The following ATG5 variants were observed in gnomAD, a reference collection of about 807,000 sequenced individuals.
The protein encoded by ATG5 is autophagy protein 5.
In ATG5, 14 loss-of-function variants were observed where a neutral mutation model predicts 36.5. The ratio of observed to expected loss-of-function variants is 0.38; its 90% confidence interval spans 0.25 to 0.60. The LOEUF is 0.60. ATG5 is among the 20% of genes least tolerant of loss of function. The probability of loss-of-function intolerance (pLI) is 0.60; values close to 1 mark genes in which losing one functional copy is unlikely to be tolerated. For missense variants in ATG5, 195 were observed against 326.7 expected (o/e 0.60, Z 3.11); for synonymous variants, 95 against 101.5 (o/e 0.94, Z 0.38).
At chr6:106,247,937 A>AT (rs1333645911) in intron 6 of ATG5, among the ~76,000 whole-genome samples, 1 of 152,352 alleles carries the variant, frequency 6.6e-6, no homozygotes, top group African/African-American at 2.4e-5. Flanking sequence ...GAATCTGCCA[A>AT]TATGAAATCT....
At chr6:106,312,631 C>CACACACAT (rs1334439254) in intron 2 of ATG5, among the ~76,000 whole-genome samples, 1 of 94,320 alleles carries the variant, frequency 1.1e-5, no homozygotes, top group Non-Finnish European at 2.1e-5. Flanking sequence ...ACTACACACA[C>CACACACAT]ACACACACAC....
chr6:106,323,647 C>A (rs1156297010), intron 1 of ATG5, among the ~76,000 whole-genome samples: 1 of 152,114 alleles, frequency 6.6e-6, no homozygotes, highest in Non-Finnish European at 1.5e-5. Context: ...GCACTACCGC[C>A]ACTATTACTA....
intron 7 of ATG5, among the ~76,000 whole-genome samples, chr6:106,201,002 C>T (rs192710934): frequency 2.6e-5 from 4 of 152,262 alleles, no homozygotes; most frequent in Admixed American, 1.3e-4. Flanking sequence ...ATAATATTTG[C>T]ATATAACCTA....
At chr6:106,269,657 C>G (rs1405539578) in intron 5 of ATG5, among the ~76,000 whole-genome samples, 1 of 152,240 alleles carries the variant, frequency 6.6e-6, no homozygotes, top group African/African-American at 2.4e-5. Context: ...GGTGCTAAGC[C>G]CCTCATTGCC....
intron 6 of ATG5, among the ~76,000 whole-genome samples, chr6:106,238,677 G>A (rs374516139): frequency 1.3e-5 from 2 of 152,206 alleles, no homozygotes; most frequent in East Asian, 3.9e-4. Context: ...AGAAGACCAG[G>A]GAACAAAGAG....
intron 5 of ATG5, among the ~76,000 whole-genome samples, chr6:106,278,237 C>A (rs1012536126): frequency 2.0e-5 from 3 of 152,174 alleles, no homozygotes; most frequent in Admixed American, 6.5e-5. Flanking sequence ...GCCACCACAC[C>A]CAGCCAAAAA....
chr6:106,322,118 C>T (rs1050017798), intron 1 of ATG5, among the ~76,000 whole-genome samples: 8 of 152,138 alleles, frequency 5.3e-5, no homozygotes, highest in Non-Finnish European at 1.0e-4. Context: ...CAACCTGTGA[C>T]GCAATCTACT....
chr6:106,285,610 G>C (rs1780046285), intron 4 of ATG5, among the ~76,000 whole-genome samples: 1 of 152,140 alleles, frequency 6.6e-6, no homozygotes, highest in Admixed American at 6.5e-5. Context: ...TTTCTGTAAA[G>C]GATTAGACAG....
intron 6 of ATG5, among the ~76,000 whole-genome samples, chr6:106,211,437 G>A (rs962153318): frequency 7.9e-5 from 12 of 152,226 alleles, no homozygotes; most frequent in African/African-American, 2.7e-4. Context: ...CAGGCCGGGC[G>A]TGGTGGCTCA....
intron 5 of ATG5, among the ~76,000 whole-genome samples, chr6:106,257,846 CAG>C (rs1409812300): frequency 2.0e-5 from 3 of 152,112 alleles, no homozygotes; most frequent in Admixed American, 1.3e-4. Context: ...TTAATTAAAA[CAG>C]GAGATAGAAA....
At chr6:106,210,157 A>G (rs1156247770) in intron 6 of ATG5, among the ~76,000 whole-genome samples, 1 of 152,194 alleles carries the variant, frequency 6.6e-6, no homozygotes, top group Non-Finnish European at 1.5e-5. Flanking sequence ...CTCAACACAA[A>G]TGAGTGAGGA....
chr6:106,191,817 G>C (rs1372218375), intron 7 of ATG5, among the ~76,000 whole-genome samples: 2 of 152,016 alleles, frequency 1.3e-5, no homozygotes, highest in Non-Finnish European at 2.9e-5. Flanking sequence ...AAAGTAAAGA[G>C]CGATTGTAAT....
At chr6:106,311,805 G>GTTAC (rs1024649556) in intron 2 of ATG5, among the ~76,000 whole-genome samples, 1 of 151,706 alleles carries the variant, frequency 6.6e-6, no homozygotes, top group Non-Finnish European at 1.5e-5. Flanking sequence ...CAGGAAACTG[G>GTTAC]TTACTACTGT....
At chr6:106,315,767 T>G (rs1023402816) in intron 2 of ATG5, among the ~76,000 whole-genome samples, 3 of 152,164 alleles carry the variant, frequency 2.0e-5, no homozygotes, top group African/African-American at 7.2e-5. Flanking sequence ...TATTCCATTA[T>G]CATACATTTA....
chr6:106,229,129 T>TC (rs1341133864), intron 6 of ATG5, among the ~76,000 whole-genome samples: 2 of 152,230 alleles, frequency 1.3e-5, no homozygotes, highest in Non-Finnish European at 1.5e-5. Flanking sequence ...CTTCCTCTGA[T>TC]CCCTGCCTCC....
intron 6 of ATG5, among the ~76,000 whole-genome samples, chr6:106,228,400 G>A (rs890844691): frequency 6.6e-6 from 1 of 152,084 alleles, no homozygotes; most frequent in Non-Finnish European, 1.5e-5. Context: ...TTGTTCCTAC[G>A]CGGCTAAGTG....
At chr6:106,257,904 A>C (rs540762868) in intron 5 of ATG5, among the ~76,000 whole-genome samples, 6 of 152,340 alleles carry the variant, frequency 3.9e-5, no homozygotes, top group African/African-American at 1.4e-4. Flanking sequence ...ACCTGTGTAG[A>C]GTGAAATCTA....
At chr6:106,301,022 G>A (rs945413721) in intron 3 of ATG5, among the ~76,000 whole-genome samples, 5 of 151,922 alleles carry the variant, frequency 3.3e-5, no homozygotes, top group Non-Finnish European at 7.4e-5. Flanking sequence ...AGTATTCTTC[G>A]GAAGGACCAA....
intron 3 of ATG5, among the ~76,000 whole-genome samples, chr6:106,298,277 A>T (rs554431708): frequency 6.6e-6 from 1 of 152,260 alleles, no homozygotes; most frequent in Non-Finnish European, 1.5e-5. Context: ...TCAAAATCTT[A>T]AAATTTTTTT....
Sources: gnomAD v4.1 joint callset for allele counts (sites outside exome capture counted in the v4.1 genomes callset) on GRCh38, gnomAD v4.1.1 for gene constraint, MANE v1.5 for transcripts, NCBI Gene and HGNC (gene_info 2026-07-23, HGNC 2026-07-21) for gene names.